The following PROM1 variants were observed in gnomAD, a reference collection of about 807,000 sequenced individuals.
PROM1 encodes prominin 1.
In PROM1, 105 loss-of-function variants were observed where a neutral mutation model predicts 116.9. The ratio of observed to expected loss-of-function variants is 0.90; its 90% CI spans 0.77 to 1.06. PROM1 has a LOEUF of 1.06. Among genes scored for constraint, PROM1 ranks in the 50% least tolerant of loss-of-function variants. The pLI, the probability that PROM1 is intolerant of heterozygous loss-of-function variation, is 0.00. For synonymous variants in PROM1, 393 were observed against 387.0 expected (o/e 1.02, Z -0.18); for missense variants, 1,122 against 1,045.2 (o/e 1.07, Z -1.01).
intron 10 of PROM1, 34 bp downstream of exon 10, chr4:16,016,132 A>C (rs770875225): frequency 2.0e-6 from 3 of 1,508,928 alleles, no homozygotes; most frequent in Admixed American, 3.9e-5. Context: ...AAAATGATAT[A>C]AAATCAGTGA....
chr4:15,992,358 G>A lies in PROM1; in HGVS notation c.1801C>T (p.Leu601=), dbSNP rs764546552. ...TGSISSELES[L]KVNLNIFLLG... ...AGAAAGATATTAAGATTTACCTTCA[G>A]ACTTTCCAATTCACTGCTTATGCTT... Residue 601 remains leucine, a synonymous_variant, in exon 17 of 28, where the codon CTG becomes TTG. Coordinates refer to ENST00000447510, the MANE Select transcript of PROM1 (RefSeq NM_006017.3). 1.9e-6 allele frequency: 3 copies of A among 1,613,838 alleles called. No individual in the cohort carries two copies. Among genetic ancestry groups the A allele is most frequent in the Middle Eastern group, 3.3e-4 (2 of 6,060 alleles).
chr4:16,037,312 C>G (rs142858413), intron 3 of PROM1, among the ~76,000 whole-genome samples: 2 of 152,236 alleles, frequency 1.3e-5, no homozygotes, highest in African/African-American at 2.4e-5. Flanking sequence ...ATAAATGAAG[C>G]CTGTGGCACT....
At chr4:16,018,177 A>G in intron 9 of PROM1, 146 bp downstream of exon 9, 1 of 705,384 alleles carries the variant, frequency 1.4e-6, no homozygotes. Flanking sequence ...TATGGTGATC[A>G]AATGACTCAA....
chr4:16,025,127 T>A, intron 6 of PROM1, 65 bp downstream of exon 6: 1 of 1,531,278 alleles, frequency 6.5e-7, no homozygotes, highest in African/African-American at 1.4e-5. Context: ...ATTCCAAATA[T>A]ACACAGGAAC....
chr4:15,986,465 C>T (rs76598660), intron 20 of PROM1, among the ~76,000 whole-genome samples: 1,587 of 152,000 alleles, frequency 0.01, 26 homozygotes, highest in African/African-American at 0.036. Flanking sequence ...CAAGCAAAGA[C>T]GAGTCCTCTG....
intron 26 of PROM1, among the ~76,000 whole-genome samples, chr4:15,977,103 A>G (rs1228698779): frequency 1.3e-5 from 2 of 152,072 alleles, no homozygotes; most frequent in African/African-American, 4.8e-5. Context: ...TTTTTTCACA[A>G]CCATGGCTCC....
intron 2 of PROM1, among the ~76,000 whole-genome samples, chr4:16,072,880 G>C (rs1163504631): frequency 6.6e-6 from 1 of 152,118 alleles, no homozygotes; most frequent in African/African-American, 2.4e-5. Context: ...TAGATAAACT[G>C]GCTCACCTGG....
chr4:16,038,219 A>G lies in PROM1; in HGVS notation c.276+727T>C, dbSNP rs888693440. On this transcript the variant is annotated intron_variant, in intron 3 of 27. Transcript: ENST00000447510. ...TCTAGCCATGTCCTCACACAGCAGG[A>G]GCTTCATAAACCTTATACAAATGCA... Among the ~76,000 whole-genome samples, 114 of 152,190 alleles carry G rather than the reference A, an allele frequency of 7.5e-4. 1 individual carries two copies. The highest frequency in any genetic ancestry group is 3.9e-4 in the Admixed American group (6 of 15,276).
At chr4:15,982,388 T>C (rs1008901485) in intron 23 of PROM1, among the ~76,000 whole-genome samples, 1 of 152,256 alleles carries the variant, frequency 6.6e-6, no homozygotes, top group Non-Finnish European at 1.5e-5. Context: ...GTTAGATTTC[T>C]GTTTTCAACC....
chr4:16,014,105 A>C (rs925974839), intron 10 of PROM1, among the ~76,000 whole-genome samples: 2 of 152,220 alleles, frequency 1.3e-5, no homozygotes, highest in African/African-American at 4.8e-5. Flanking sequence ...CTAAACGTGC[A>C]GCCTTTCCTC....
At chr4:16,046,921 A>C (rs1318044886) in intron 2 of PROM1, among the ~76,000 whole-genome samples, 1 of 152,038 alleles carries the variant, frequency 6.6e-6, no homozygotes, top group Non-Finnish European at 1.5e-5. Flanking sequence ...ACTCCTTCCC[A>C]CCCTCATTCC....
At chr4:16,060,717 C>T (rs1740121075) in intron 2 of PROM1, among the ~76,000 whole-genome samples, 1 of 152,282 alleles carries the variant, frequency 6.6e-6, no homozygotes, top group South Asian at 2.1e-4. Flanking sequence ...CATTAATTAC[C>T]TCTGGAGAGT....
intron 12 of PROM1, 131 bp downstream of exon 12, chr4:16,008,818 A>C: frequency 1.2e-6 from 1 of 823,912 alleles, no homozygotes; most frequent in Non-Finnish European, 1.9e-6. Context: ...AACTGGGGTT[A>C]ACATATATCA....
At chr4:15,973,069 G>C (rs534415075) in intron 26 of PROM1, among the ~76,000 whole-genome samples, 1 of 152,336 alleles carries the variant, frequency 6.6e-6, no homozygotes, top group African/African-American at 2.4e-5. Flanking sequence ...AACCTACACA[G>C]GTGAGGGTCA....
At chr4:16,006,819 C>A in intron 12 of PROM1, 129 bp from the exon 13 acceptor site, 1 of 890,324 alleles carries the variant, frequency 1.1e-6, no homozygotes, top group Non-Finnish European at 1.7e-6. Flanking sequence ...CTATCAATTC[C>A]TCAGAGGACA....
chr4:15,991,279 G>A lies in PROM1; in HGVS notation c.1926C>T (p.Pro642=), dbSNP rs765486588. The change falls in exon 18 of 28, where the codon CCC becomes CCT. Residue 642 remains proline, a synonymous_variant. Transcript: ENST00000447510. ...CAAATGATAAAAGATTCACTCCTGC[G>A]GGGGATTTACCAGTCTACAATAGAA... ...DSYLAQTGKS[P]AGVNLLSFAY... is the part of the protein sequence containing the mutation. 4.1e-5 allele frequency: 65 copies of A among 1,602,894 alleles called. No individual in the cohort carries two copies. Among genetic ancestry groups the A allele is most frequent in the Non-Finnish European group, 4.8e-5 (56 of 1,176,122 alleles).
chr4:16,049,640 T>A (rs748632428), intron 2 of PROM1, among the ~76,000 whole-genome samples: 7 of 152,042 alleles, frequency 4.6e-5, no homozygotes, highest in Non-Finnish European at 8.8e-5. Context: ...TATTTCAGCA[T>A]GTAGTGTTTG....
rs530355838 is a variant in PROM1, at chr4:15,980,224, A to G, written c.2489+198T>C. ...AGCTGAGAGGATTAAGCAAGAGGAA[A>G]AAAGTAGTTAAAACAAGTATAGAAA... On this transcript the variant is annotated intron_variant, in intron 24 of 27. Coordinates refer to ENST00000447510, the MANE Select transcript of PROM1 (RefSeq NM_006017.3). 178 of 658,460 alleles carry G rather than the reference A, an allele frequency of 2.7e-4. 1 individual carries two copies. Among genetic ancestry groups the G allele is most frequent in the Non-Finnish European group, 3.4e-4 (127 of 373,318 alleles). 40.8% of individuals were successfully genotyped at this position (658,460 alleles called of 1,614,324 possible). A position where few individuals can be genotyped will look rare whatever the true frequency, so the allele number is the denominator to read the frequency against.
intron 4 of PROM1, among the ~76,000 whole-genome samples, chr4:16,035,331 A>C (rs1159073988): frequency 6.6e-6 from 1 of 152,188 alleles, no homozygotes; most frequent in East Asian, 1.9e-4. Context: ...CTGAACCAAA[A>C]CCCAGGAGAG....
Sources: gnomAD v4.1 joint callset for allele counts (sites outside exome capture counted in the v4.1 genomes callset) on GRCh38, gnomAD v4.1.1 for gene constraint, MANE v1.5 for transcripts, NCBI Gene and HGNC (gene_info 2026-07-23, HGNC 2026-07-21) for gene names.